PKNOX2: variants seen among roughly 807,000 people sequenced by gnomAD.
PKNOX2 encodes homeobox protein PKNOX2.
In PKNOX2, 14 loss-of-function variants were observed where a neutral mutation model predicts 53.1. The observed-to-expected ratio is 0.26, with a 90% CI of 0.17 to 0.41. PKNOX2 has a LOEUF of 0.41. Among genes scored for constraint, PKNOX2 ranks in the 10% least tolerant of loss-of-function variants. PKNOX2 has a pLI of 1.00. For synonymous variants in PKNOX2, 257 were observed against 242.8 expected (o/e 1.06, Z -0.54); for missense variants, 496 against 602.8 (o/e 0.82, Z 1.85).
At chr11:125,306,651 G>A (rs1264092862) in intron 2 of PKNOX2, among the ~76,000 whole-genome samples, 1 of 152,208 alleles carries the variant, frequency 6.6e-6, no homozygotes, top group Non-Finnish European at 1.5e-5. Context: ...TCGAGCAAAT[G>A]TTATGGAGGA....
At chr11:125,290,601 T>A (rs1466317000) in intron 2 of PKNOX2, among the ~76,000 whole-genome samples, 1 of 152,202 alleles carries the variant, frequency 6.6e-6, no homozygotes, top group African/African-American at 2.4e-5. Flanking sequence ...CAATAAACAT[T>A]CATTACGCAG....
chr11:125,222,945 G>A (rs1941362855), intron 1 of PKNOX2, among the ~76,000 whole-genome samples: 1 of 152,162 alleles, frequency 6.6e-6, no homozygotes, highest in Admixed American at 6.5e-5. Context: ...AATGCAAGCA[G>A]CTTCTGAACA....
At chr11:125,315,969 A>T (rs540174724) in intron 2 of PKNOX2, among the ~76,000 whole-genome samples, 6 of 152,314 alleles carry the variant, frequency 3.9e-5, no homozygotes, top group African/African-American at 1.2e-4. Flanking sequence ...AAGGACATGT[A>T]AGGCACAGTC....
chr11:125,221,330 G>C (rs531928141), intron 1 of PKNOX2, among the ~76,000 whole-genome samples: 1 of 152,246 alleles, frequency 6.6e-6, no homozygotes, highest in African/African-American at 2.4e-5. Context: ...AGGGAAGCCA[G>C]GTGAGGGGAA....
intron 2 of PKNOX2, among the ~76,000 whole-genome samples, chr11:125,250,005 C>T (rs1943870483): frequency 1.6e-5 from 2 of 125,458 alleles, no homozygotes; most frequent in African/African-American, 6.0e-5. Flanking sequence ...GCAGAGGTTG[C>T]GGTGAGCAGA....
intron 2 of PKNOX2, chr11:125,266,668 G>A (rs750367104): frequency 3.3e-5 from 5 of 152,186 alleles, no homozygotes; most frequent in East Asian, 1.9e-4. Flanking sequence ...GCAGACCCTC[G>A]ATAGGCCCTG....
In PKNOX2 at chr11:125,370,765, G is replaced by C. The variant is rs954532012; in HGVS notation, c.227+2780G>C. On this transcript the variant is annotated intron_variant, in intron 5 of 12. Coordinates refer to ENST00000298282, the MANE Select transcript of PKNOX2 (RefSeq NM_001382323.2). This position sits in a 1 kb window ranked among gnomAD's most constrained non-coding sequence, Gnocchi z 4.1. ...CAGGGAGGGAGCTCAGCCTCCTGTA[G>C]GGTCGGGTAATTTTAATTAGATTTG... Among the ~76,000 whole-genome samples the C allele has an allele frequency of 5.3e-5, 8 of 152,232 alleles. No individual in the cohort carries two copies. The highest frequency in any genetic ancestry group is 1.9e-4 in the African/African-American group (8 of 41,454).
At chr11:125,251,626 G>C (rs1944005980) in intron 2 of PKNOX2, among the ~76,000 whole-genome samples, 1 of 151,874 alleles carries the variant, frequency 6.6e-6, no homozygotes, top group South Asian at 2.1e-4. Flanking sequence ...CAGATGGGGT[G>C]CAGGGGAGCA....
At chr11:125,308,337 T>A (rs1029048555) in intron 2 of PKNOX2, among the ~76,000 whole-genome samples, 7 of 152,150 alleles carry the variant, frequency 4.6e-5, no homozygotes, top group Non-Finnish European at 7.4e-5. Flanking sequence ...CCCCCAAGAA[T>A]GGCAGCACCC....
At chr11:125,234,129 C>T (rs1387531034) in intron 1 of PKNOX2, among the ~76,000 whole-genome samples, 2 of 152,166 alleles carry the variant, frequency 1.3e-5, no homozygotes, top group Admixed American at 6.5e-5. Context: ...GTCCAGTCCG[C>T]CAAGATCCCA....
intron 3 of PKNOX2, among the ~76,000 whole-genome samples, chr11:125,340,054 CCTG>C (rs2136148089): frequency 6.6e-6 from 1 of 152,290 alleles, no homozygotes; most frequent in South Asian, 2.1e-4. Context: ...TTTCCCATCT[CCTG>C]CTCATTTTTA....
chr11:125,301,477 C>T (rs1042312308), intron 2 of PKNOX2, among the ~76,000 whole-genome samples: 4 of 151,750 alleles, frequency 2.6e-5, no homozygotes, highest in Admixed American at 1.3e-4. Flanking sequence ...GATATTTTTC[C>T]GTGGTGCAGA....
At chr11:125,350,976 C>A (rs1951273110) in intron 3 of PKNOX2, among the ~76,000 whole-genome samples, 1 of 152,156 alleles carries the variant, frequency 6.6e-6, no homozygotes, top group African/African-American at 2.4e-5. Flanking sequence ...CAGGCCCCCT[C>A]CCTCTTCGTG....
chr11:125,325,238 T>A (rs534040279), intron 2 of PKNOX2, among the ~76,000 whole-genome samples: 1 of 152,348 alleles, frequency 6.6e-6, no homozygotes, highest in Middle Eastern at 3.4e-3. Flanking sequence ...TTCCTGCTTA[T>A]CCGTTCTTTC....
At chr11:125,363,859 G>A (rs1952048836) in intron 4 of PKNOX2, among the ~76,000 whole-genome samples, 1 of 152,210 alleles carries the variant, frequency 6.6e-6, no homozygotes, top group South Asian at 2.1e-4. Flanking sequence ...GAGTGGGGGT[G>A]GGGAGGGCAG....
intron 2 of PKNOX2, among the ~76,000 whole-genome samples, chr11:125,316,484 A>G (rs1949200816): frequency 6.6e-6 from 1 of 152,330 alleles, no homozygotes; most frequent in East Asian, 1.9e-4. Context: ...GAGGATGATC[A>G]TTCCATTACA....
chr11:125,315,042 T>C (rs575437796), intron 2 of PKNOX2, among the ~76,000 whole-genome samples: 1 of 152,220 alleles, frequency 6.6e-6, no homozygotes, highest in South Asian at 2.1e-4. Context: ...CAGAGTCCTC[T>C]CTAAGGCCCT....
intron 1 of PKNOX2, among the ~76,000 whole-genome samples, chr11:125,224,225 C>T (rs1292521396): frequency 6.6e-6 from 1 of 152,254 alleles, no homozygotes; most frequent in Admixed American, 6.5e-5. Context: ...CCTGGGGAGT[C>T]GCCCGGGCCA....
At chr11:125,205,677 C>T (rs1477320296) in intron 1 of PKNOX2, among the ~76,000 whole-genome samples, 1 of 151,996 alleles carries the variant, frequency 6.6e-6, no homozygotes, top group Non-Finnish European at 1.5e-5. Context: ...TCTCTCATGC[C>T]ACGCCTTGCC....
Sources: allele counts gnomAD v4.1 joint callset (sites outside exome capture counted in the v4.1 genomes callset), GRCh38; gene constraint gnomAD v4.1.1; non-coding constraint Gnocchi (gnomAD v3.1); transcripts MANE v1.5; gene names NCBI Gene and HGNC (gene_info 2026-07-23, HGNC 2026-07-21).